Variants in SMARCC1 observed in about 807,000 individuals in gnomAD.
SMARCC1 encodes SWI/SNF complex subunit SMARCC1.
Under a neutral mutation model 147.4 loss-of-function variants are expected in SMARCC1, and 43 were observed. The observed-to-expected ratio is 0.29, with a 90% CI of 0.23 to 0.38. SMARCC1 has a LOEUF of 0.38. SMARCC1 is among the 10% of genes least tolerant of loss of function. The probability of loss-of-function intolerance (pLI) is 1.00; values close to 1 mark genes in which losing one functional copy is unlikely to be tolerated. For synonymous variants in SMARCC1, 495 were observed against 484.4 expected (o/e 1.02, Z -0.29); for missense variants, 1,119 against 1,381.1 (o/e 0.81, Z 3.01).
intron 2 of SMARCC1, among the ~76,000 whole-genome samples, chr3:47,760,722 T>C (rs2106861220): frequency 6.6e-6 from 1 of 152,248 alleles, no homozygotes; most frequent in East Asian, 1.9e-4. Flanking sequence ...CTGTGCGTGG[T>C]AGCTCAAAGC....
At chr3:47,724,531 C>T (rs1406424980) in intron 6 of SMARCC1, among the ~76,000 whole-genome samples, 1 of 152,106 alleles carries the variant, frequency 6.6e-6, no homozygotes, top group Non-Finnish European at 1.5e-5. Context: ...GAATGTAGCC[C>T]AACACAAATT....
chr3:47,611,342 G>A (rs1380129493), intron 25 of SMARCC1, among the ~76,000 whole-genome samples: 1 of 152,192 alleles, frequency 6.6e-6, no homozygotes, highest in African/African-American at 2.4e-5. Context: ...CAGCTACTGA[G>A]CACTTGAAGT....
At chr3:47,687,060 CT>C (rs1427582472) in intron 13 of SMARCC1, among the ~76,000 whole-genome samples, 1 of 152,102 alleles carries the variant, frequency 6.6e-6, no homozygotes, top group Non-Finnish European at 1.5e-5. Flanking sequence ...TAATTTCTAC[CT>C]TTTTCTTAAT....
intron 6 of SMARCC1, among the ~76,000 whole-genome samples, chr3:47,725,448 TTATA>T (rs578107263): frequency 1.1e-4 from 17 of 151,480 alleles, no homozygotes; most frequent in African/African-American, 3.4e-4. Flanking sequence ...TTTATTATTA[TTATA>T]TATATATATT....
intron 21 of SMARCC1, among the ~76,000 whole-genome samples, chr3:47,654,083 T>A (rs1434559341): frequency 3.9e-5 from 6 of 152,202 alleles, no homozygotes; most frequent in Non-Finnish European, 5.9e-5. Flanking sequence ...CCACTAATGC[T>A]CTATGGTATC....
intron 2 of SMARCC1, among the ~76,000 whole-genome samples, chr3:47,747,252 G>A (rs1422286742): frequency 6.6e-6 from 1 of 151,548 alleles, no homozygotes; most frequent in African/African-American, 2.4e-5. Context: ...TGGGCAACAT[G>A]GTGAAACCCC....
chr3:47,744,689 A>G (rs769820800), intron 3 of SMARCC1, among the ~76,000 whole-genome samples: 1 of 151,980 alleles, frequency 6.6e-6, no homozygotes, highest in Non-Finnish European at 1.5e-5. Context: ...CACTCCCCCA[A>G]CCCTACCCTG....
At chr3:47,734,342 C>T (rs2034414776) in intron 5 of SMARCC1, among the ~76,000 whole-genome samples, 1 of 152,194 alleles carries the variant, frequency 6.6e-6, no homozygotes, top group East Asian at 1.9e-4. Context: ...AATTATATTA[C>T]CTTACACTTT....
chr3:47,647,388 G>A (rs1199709011), intron 21 of SMARCC1, among the ~76,000 whole-genome samples: 1 of 152,134 alleles, frequency 6.6e-6, no homozygotes, highest in Non-Finnish European at 1.5e-5. Context: ...ACCAACTGTA[G>A]GCTAACGTAG....
intron 7 of SMARCC1, among the ~76,000 whole-genome samples, chr3:47,718,698 GA>G (rs895942449): frequency 1.3e-5 from 2 of 150,658 alleles, no homozygotes; most frequent in African/African-American, 4.9e-5. Flanking sequence ...AATAACTTAT[GA>G]AAAAATAAAA....
In SMARCC1 at chr3:47,638,677, T is replaced by C. The variant is rs750659177; in HGVS notation, c.2376+48A>G. ...AAAACACCCAAAAAACAAACCATTA[T>C]GGTCTGAAAGGCATGCTATCTGTGG... is the stretch of plus-strand genomic sequence containing the variant. On this transcript the variant is annotated intron_variant, in intron 22 of 27. Transcript: ENST00000254480. 5.8e-6 allele frequency: 8 copies of C among 1,389,604 alleles called. No homozygotes were observed. In the South Asian group the frequency reaches 8.1e-5, roughly 14 times the overall value. 86.1% of individuals were successfully genotyped at this position (1,389,604 alleles called of 1,614,324 possible).
chr3:47,684,878 T>C (rs1048209439), intron 14 of SMARCC1, among the ~76,000 whole-genome samples: 2 of 152,104 alleles, frequency 1.3e-5, no homozygotes, highest in Admixed American at 6.6e-5. Context: ...CACATACCTA[T>C]GACAAAGTTT....
chr3:47,721,963 G>C (rs536257807), intron 6 of SMARCC1, among the ~76,000 whole-genome samples: 1 of 152,114 alleles, frequency 6.6e-6, no homozygotes, highest in Non-Finnish European at 1.5e-5. Context: ...GGCTGCAATG[G>C]GCTATTAATA....
intron 21 of SMARCC1, among the ~76,000 whole-genome samples, chr3:47,648,703 T>C (rs1188842738): frequency 6.6e-6 from 1 of 152,100 alleles, no homozygotes; most frequent in Admixed American, 6.6e-5. Flanking sequence ...TCCTGTGTAA[T>C]AATTCTTATA....
chr3:47,712,415 T>C (rs1440378168), intron 8 of SMARCC1, among the ~76,000 whole-genome samples: 1 of 148,306 alleles, frequency 6.7e-6, no homozygotes, highest in Non-Finnish European at 1.5e-5. Context: ...CATTGCTTCC[T>C]TTTTTTTTTA....
At chr3:47,688,492 G>C (rs1340917969) in intron 13 of SMARCC1, among the ~76,000 whole-genome samples, 3 of 151,944 alleles carry the variant, frequency 2.0e-5, no homozygotes, top group African/African-American at 7.3e-5. Flanking sequence ...AGCAAGTTAA[G>C]GAAATTATTT....
intron 3 of SMARCC1, among the ~76,000 whole-genome samples, chr3:47,740,749 A>T (rs1156937650): frequency 6.6e-6 from 1 of 152,000 alleles, no homozygotes; most frequent in Non-Finnish European, 1.5e-5. Flanking sequence ...CAGGTTTTTA[A>T]AACTTTTCCT....
chr3:47,732,388 G>C (rs184209564), intron 5 of SMARCC1, among the ~76,000 whole-genome samples: 1 of 152,258 alleles, frequency 6.6e-6, no homozygotes, highest in East Asian at 1.9e-4. Flanking sequence ...CCTATCATTT[G>C]CATGTTCACT....
chr3:47,686,383 T>G (rs766633914), intron 13 of SMARCC1, among the ~76,000 whole-genome samples: 1 of 152,162 alleles, frequency 6.6e-6, no homozygotes, highest in Non-Finnish European at 1.5e-5. Flanking sequence ...TTTATGATGA[T>G]GAGGGAATCA....
Sources: gnomAD v4.1 joint callset for allele counts (sites outside exome capture counted in the v4.1 genomes callset) on GRCh38, gnomAD v4.1.1 for gene constraint, MANE v1.5 for transcripts, NCBI Gene and HGNC (gene_info 2026-07-23, HGNC 2026-07-21) for gene names.